The following SCARB1 variants were observed in gnomAD, a reference collection of about 807,000 sequenced individuals.
SCARB1 encodes the protein CD36 and LIMPII analogous 1.
Under a neutral mutation model 57.2 loss-of-function variants are expected in SCARB1, and 30 were observed. The ratio of observed to expected loss-of-function variants is 0.52; its 90% CI spans 0.39 to 0.71. The LOEUF (loss-of-function observed/expected upper bound fraction) is 0.71, where lower values mean the gene tolerates loss of function less well. SCARB1 is among the 30% of genes least tolerant of loss of function. The pLI is 0.00. For synonymous variants in SCARB1, 249 were observed against 268.3 expected (o/e 0.93, Z 0.70); for missense variants, 543 against 671.2 (o/e 0.81, Z 2.11).
chr12:124,812,967 GTTA>G lies in SCARB1; in HGVS notation c.631-1005_631-1003del, dbSNP rs1950577568. ...GATAGTCTTTATTTTCATTATTATT[GTTA>G]TTATTAATAAATGCTCACCCAATAG... On this transcript the variant is annotated intron_variant, in intron 4 of 12. Transcript: ENST00000261693. The surrounding 1 kb of genome is among the most constrained non-coding windows in gnomAD (Gnocchi z 4.3). Among the ~76,000 whole-genome samples the G allele has an allele frequency of 6.6e-6, 1 of 152,116 alleles. No individual in the cohort carries two copies. The highest frequency in any genetic ancestry group is 1.5e-5 in the Non-Finnish European group (1 of 68,026).
At chr12:124,833,693 G>A (rs867071255) in intron 1 of SCARB1, among the ~76,000 whole-genome samples, 6 of 152,056 alleles carry the variant, frequency 3.9e-5, no homozygotes, top group South Asian at 2.1e-4. Context: ...CATTTGCCCC[G>A]TGCACCCCTT....
chr12:124,814,539 G>A lies in SCARB1; in HGVS notation c.427-134C>T, dbSNP rs1229151416. On this transcript the variant is annotated intron_variant, in intron 3 of 12. Coordinates refer to ENST00000261693, the MANE Select transcript of SCARB1 (RefSeq NM_005505.5). The surrounding 1 kb of genome is among the most constrained non-coding windows in gnomAD (Gnocchi z 4.7). ...TGCAGGAGGCCCCTGGAGTGGCCAC[G>A]TGGGGCATCTGGGACACCAGAACCA... is the stretch of plus-strand genomic sequence containing the variant. 8.9e-6 allele frequency: 8 copies of A among 896,354 alleles called. No individual in the cohort carries two copies. In the South Asian group the frequency reaches 9.9e-5, roughly 11 times the overall value. The allele number at this position is 896,354 out of a possible 1,614,324, so 55.5% of individuals were successfully genotyped here. A position where few individuals can be genotyped will look rare whatever the true frequency, so the allele number is the denominator to read the frequency against.
At position 124,789,411 on chromosome 12, in the gene SCARB1, C is replaced by T. The variant is rs574803606; in HGVS notation, c.1203-1954G>A. On this transcript the variant is annotated intron_variant, in intron 9 of 12. Coordinates refer to ENST00000261693, the MANE Select transcript of SCARB1 (RefSeq NM_005505.5). This position sits in a 1 kb window ranked among gnomAD's most constrained non-coding sequence, Gnocchi z 4.4. ...ACAGCCAAAAGGTGCCTAAGGAGAC[C>T]GGAAGACCAATGCGACACCTGGGAA... Among the ~76,000 whole-genome samples, 3 of 152,200 alleles carry T rather than the reference C, an allele frequency of 2.0e-5. No homozygotes were observed. The highest frequency in any genetic ancestry group is 1.9e-4 in the East Asian group (1 of 5,184).
Position 124,845,097 on chromosome 12 carries a change from G to A in SCARB1, c.126+18498C>T, listed in dbSNP as rs565885633. 2.6e-5 allele frequency among the ~76,000 whole-genome samples: 4 copies of A among 152,212 alleles called. No homozygotes were observed. The East Asian group carries it at 7.7e-4, about 29-fold the overall frequency. ...CAGAGGATGGGCGCAGGGGCAGGGCGGGCTGAAGAGCGAGAGGGGTGAGGG... is the reference window on the plus strand; with the variant it reads ...CAGAGGATGGGCGCAGGGGCAGGGCAGGCTGAAGAGCGAGAGGGGTGAGGG... On this transcript the variant is annotated intron_variant, in intron 1 of 12. Transcript: ENST00000261693.
Position 124,811,881 on chromosome 12 carries a change from C to T in SCARB1, c.715G>A (p.Gly239Arg), listed in dbSNP as rs201977189. 231 of 1,611,908 alleles carry T rather than the reference C, an allele frequency of 1.4e-4. No homozygotes were observed. The highest frequency in any genetic ancestry group is 1.8e-4 in the Non-Finnish European group (216 of 1,179,088). ...CTCTCGCCCCTCACCTTGCTCAGCC[C>T]GTTCCACTTGTCCACGAGGTGGATC... is the stretch of plus-strand genomic sequence containing the variant. The part of the protein sequence containing the change: ...SRIHLVDKWN[G>R]LSKVDFWHSD... Residue 239 changes from glycine (G) to arginine (R), a missense_variant, in exon 5 of 13, where the codon GGG becomes AGG. Physicochemically the swap from Gly to Arg is moderately radical, Grantham distance 125 (BLOSUM62 -2). Coordinates refer to ENST00000261693, the MANE Select transcript of SCARB1 (RefSeq NM_005505.5).
At chr12:124,815,181 T>G in intron 2 of SCARB1, 67 bp from the exon 3 acceptor site, 1 of 1,569,144 alleles carries the variant, frequency 6.4e-7, no homozygotes, top group Non-Finnish European at 8.7e-7. Flanking sequence ...TCTACTCGCC[T>G]GCAATGCCTG....
rs747208760 is a variant in SCARB1, at chr12:124,813,682, G to A, written c.630+520C>T. ...AAAACGTACTGAGTATCTATCACAC[G>A]CAGCACCACGATATCCCCCCCAGCA... On this transcript the variant is annotated intron_variant, in intron 4 of 12. Coordinates refer to ENST00000261693, the MANE Select transcript of SCARB1 (RefSeq NM_005505.5). 5.9e-5 allele frequency among the ~76,000 whole-genome samples: 9 copies of A among 152,156 alleles called. 1 individual carries two copies. Among genetic ancestry groups the A allele is most frequent in the Middle Eastern group, 6.8e-3 (2 of 294 alleles).
At chr12:124,781,666 T>G (rs1467629073) in intron 12 of SCARB1, among the ~76,000 whole-genome samples, 1 of 152,010 alleles carries the variant, frequency 6.6e-6, no homozygotes, top group African/African-American at 2.4e-5. Context: ...TACAGACAGG[T>G]TTTCAGGATA....
chr12:124,847,955 G>T (rs943836858), intron 1 of SCARB1, among the ~76,000 whole-genome samples: 11 of 152,136 alleles, frequency 7.2e-5, no homozygotes, highest in Non-Finnish European at 8.8e-5. Flanking sequence ...AAAAGCACCC[G>T]CCTGGCCCCT....
chr12:124,816,286 C>T (rs1173186952), intron 2 of SCARB1, among the ~76,000 whole-genome samples: 1 of 152,044 alleles, frequency 6.6e-6, no homozygotes, highest in Non-Finnish European at 1.5e-5. Context: ...CTTGGTGAGG[C>T]AGGGCCTTGG....
chr12:124,811,826 TC>T, intron 5 of SCARB1, 43 bp downstream of exon 5: 1 of 1,388,430 alleles, frequency 7.2e-7, no homozygotes, highest in Non-Finnish European at 1.0e-6. Context: ...GGGCCCACCC[TC>T]CCCTCTCCCT....
At chr12:124,856,413 A>AAC (rs777028851) in intron 1 of SCARB1, among the ~76,000 whole-genome samples, 5 of 152,180 alleles carry the variant, frequency 3.3e-5, no homozygotes, top group African/African-American at 2.4e-5. Context: ...CGTGTGTGCA[A>AAC]ACACACACAC....
chr12:124,858,355 T>A (rs73227592), intron 1 of SCARB1, among the ~76,000 whole-genome samples: 3,228 of 152,242 alleles, frequency 0.021, 54 homozygotes, highest in East Asian at 0.088. Context: ...CATGAATGGA[T>A]GCCATGAAGT....
chr12:124,798,140 G>A (rs1419558375), intron 8 of SCARB1, among the ~76,000 whole-genome samples: 1 of 152,270 alleles, frequency 6.6e-6, no homozygotes, highest in Non-Finnish European at 1.5e-5. Context: ...GCTGGGCGCG[G>A]CGGCTCACGC....
intron 1 of SCARB1, among the ~76,000 whole-genome samples, chr12:124,850,446 C>T (rs1234432594): frequency 6.1e-5 from 9 of 148,272 alleles, no homozygotes; most frequent in African/African-American, 1.7e-4. Flanking sequence ...TCGAGGTGGG[C>T]GGATCACCTG....
At position 124,807,089 on chromosome 12, in the gene SCARB1, T is replaced by A. The variant is rs1950349144; in HGVS notation, c.1009+672A>T. Reference sequence around the variant, plus strand: ...GGTGGTGCACGCCTGTGGTCCCAACTACTCGGGAGGCTGAGGTGGGAGGAT... The same window carrying A: ...GGTGGTGCACGCCTGTGGTCCCAACAACTCGGGAGGCTGAGGTGGGAGGAT... On this transcript the variant is annotated intron_variant, in intron 7 of 12. Coordinates refer to ENST00000261693, the MANE Select transcript of SCARB1 (RefSeq NM_005505.5). This position sits in a 1 kb window ranked among gnomAD's most constrained non-coding sequence, Gnocchi z 5.3. 1.3e-5 allele frequency among the ~76,000 whole-genome samples: 2 copies of A among 152,068 alleles called. 1 individual carries two copies. The highest frequency in any genetic ancestry group is 4.8e-5 in the African/African-American group (2 of 41,394).
chr12:124,859,987 A>C (rs141602117), intron 1 of SCARB1, among the ~76,000 whole-genome samples: 436 of 123,550 alleles, frequency 3.5e-3, no homozygotes, highest in Middle Eastern at 8.3e-3. Flanking sequence ...GTCTCACTCT[A>C]TTACGCAGGC....
chr12:124,781,506 A>G (rs1375180192), intron 12 of SCARB1, among the ~76,000 whole-genome samples: 1 of 152,054 alleles, frequency 6.6e-6, no homozygotes, highest in Non-Finnish European at 1.5e-5. Context: ...CAAGGACACC[A>G]TCCCTGGCCA....
intron 5 of SCARB1, among the ~76,000 whole-genome samples, chr12:124,811,555 T>C (rs1950527675): frequency 6.6e-6 from 1 of 152,206 alleles, no homozygotes; most frequent in Non-Finnish European, 1.5e-5. Context: ...ATTACAGGCA[T>C]GAACTACCAC....
Sources: gnomAD v4.1 joint callset for allele counts (sites outside exome capture counted in the v4.1 genomes callset) on GRCh38, gnomAD v4.1.1 for gene constraint, Gnocchi (gnomAD v3.1) non-coding constraint, MANE v1.5 for transcripts, NCBI Gene and HGNC (gene_info 2026-07-23, HGNC 2026-07-21) for gene names.